GALNT16: variants seen among roughly 807,000 people sequenced by gnomAD.
GALNT16 encodes the protein UDP-GalNAc:polypeptide N-acetylgalactosaminyltransferase-like protein 1.
GALNT16 carries 40 observed loss-of-function variants against 76.1 expected under a neutral mutation model. That is an observed-to-expected ratio of 0.53 (90% CI 0.41 to 0.68). The LOEUF is 0.68. Among genes scored for constraint, GALNT16 ranks in the 30% least tolerant of loss-of-function variants. The pLI is 0.00. For missense variants in GALNT16, 621 were observed against 731.9 expected (o/e 0.85, Z 1.75); for synonymous variants, 276 against 285.2 (o/e 0.97, Z 0.32).
the GALNT16 span, among the ~76,000 whole-genome samples, chr14:69,365,931 A>G: frequency 2.0e-5 from 3 of 152,236 alleles, no homozygotes; most frequent in Admixed American, 1.3e-4. Flanking sequence ...TATAGTCTAG[A>G]GGGACAGAGA....
At chr14:69,319,798 C>G (rs1232260957) in intron 1 of GALNT16, among the ~76,000 whole-genome samples, 1 of 152,220 alleles carries the variant, frequency 6.6e-6, no homozygotes, top group African/African-American at 2.4e-5. Context: ...ATTTCAGGAG[C>G]AAGCAAAAGT....
In GALNT16 at chr14:69,320,862, A is replaced by G. The variant is rs774988267; in HGVS notation, c.329A>G (p.His110Arg). 3.7e-6 allele frequency: 6 copies of G among 1,613,992 alleles called. No homozygotes were observed. Among genetic ancestry groups the G allele is most frequent in the Admixed American group, 1.7e-5 (1 of 59,984 alleles). Residue 110 changes from histidine to arginine, a missense_variant, in exon 2 of 15, where the codon CAT becomes CGT. By Grantham distance (29) the His-to-Arg change is conservative. Coordinates refer to ENST00000448469, the MANE Select transcript of GALNT16 (RefSeq NM_001168368.2). Reference sequence around the variant, plus strand: ...GACCGGCCCATCCGGGACACCCGCCATTACAGGTACGGCCTCCATCGTGTC... The same window carrying G: ...GACCGGCCCATCCGGGACACCCGCCGTTACAGGTACGGCCTCCATCGTGTC... ...SPDRPIRDTR[H>R]YSCPSVSYSS...
intron 12 of GALNT16, among the ~76,000 whole-genome samples, chr14:69,343,999 C>G (rs1445273928): frequency 6.6e-6 from 1 of 152,216 alleles, no homozygotes; most frequent in African/African-American, 2.4e-5. Context: ...GGATTACTCA[C>G]CCCCAGTTCC....
intron 1 of GALNT16, among the ~76,000 whole-genome samples, chr14:69,272,503 C>A (rs1239381260): frequency 6.6e-6 from 1 of 152,200 alleles, no homozygotes; most frequent in African/African-American, 2.4e-5. Context: ...TATAATGGAA[C>A]TGAAATATTC....
At chr14:69,329,755 G>C (rs911196117) in intron 6 of GALNT16, among the ~76,000 whole-genome samples, 1 of 152,102 alleles carries the variant, frequency 6.6e-6, no homozygotes, top group Non-Finnish European at 1.5e-5. Context: ...CACATGGCGA[G>C]AGTGGGGGCA....
intron 9 of GALNT16, among the ~76,000 whole-genome samples, chr14:69,336,540 G>A (rs181416689): frequency 5.3e-5 from 8 of 152,158 alleles, no homozygotes; most frequent in Non-Finnish European, 7.4e-5. Flanking sequence ...TCAGGTCTTG[G>A]CTCAAATGTC....
chr14:69,333,583 G>C lies in GALNT16; in HGVS notation c.950G>C (p.Trp317Ser), dbSNP rs144140025. ...AAGTATGATGCCCAGATGGACATCT[G>C]GGGGGGAGAGAATTTTGGTGAGTTG... ...LGKYDAQMDI[W>S]GGENFELSFR... Residue 317 changes from tryptophan (W) to serine (S), a missense_variant, in exon 9 of 15, where the codon TGG becomes TCG. Coordinates refer to ENST00000448469, the MANE Select transcript of GALNT16 (RefSeq NM_001168368.2). This position sits in a 1 kb window ranked among gnomAD's most constrained non-coding sequence, Gnocchi z 4.2. The C allele has an allele frequency of 5.1e-6, 8 of 1,557,716 alleles. No individual in the cohort carries two copies. The highest frequency in any genetic ancestry group is 1.7e-5 in the Admixed American group (1 of 58,852).
At chr14:69,323,048 G>C (rs921497949) in intron 2 of GALNT16, among the ~76,000 whole-genome samples, 1 of 150,654 alleles carries the variant, frequency 6.6e-6, no homozygotes, top group African/African-American at 2.4e-5. Context: ...TTAGTGGGCA[G>C]GCCTCCTGCC....
intron 1 of GALNT16, among the ~76,000 whole-genome samples, chr14:69,308,868 C>T (rs2044976059): frequency 6.6e-6 from 1 of 152,188 alleles, no homozygotes; most frequent in Non-Finnish European, 1.5e-5. Context: ...ACCAATGTAT[C>T]ATTCACCAAT....
At chr14:69,368,087 CAGAAG>C in the GALNT16 span, among the ~76,000 whole-genome samples, 37 of 152,146 alleles carry the variant, frequency 2.4e-4, no homozygotes, top group African/African-American at 8.2e-4. Context: ...TTCCATAGCA[CAGAAG>C]AGGACAGACT....
In GALNT16 at chr14:69,322,981, TGC is replaced by T. The variant is rs1555400172; in HGVS notation, c.336-1704_336-1703del. 4.3e-3 allele frequency among the ~76,000 whole-genome samples: 122 copies of T among 28,346 alleles called. 8 individuals are homozygous for T. Among genetic ancestry groups the T allele is most frequent in the Middle Eastern group, 0.014 (1 of 70 alleles). The allele number at this position is 28,346 out of a possible 152,430, so 18.6% of individuals were successfully genotyped here. On this transcript the variant is annotated intron_variant, in intron 2 of 14. Transcript: ENST00000448469. ...GTGTGTGTGTGTGTGTGTGTGTGTG[TGC>T]GCGCGCACGCGCGCACGCATGCACA...
Position 69,296,685 on chromosome 14 carries a change from CCT to C in GALNT16, c.178-24025_178-24024del, listed in dbSNP as rs538092235. 9.9e-5 allele frequency among the ~76,000 whole-genome samples: 15 copies of C among 151,384 alleles called. No individual in the cohort carries two copies. In the East Asian group the frequency reaches 2.9e-3, roughly 29 times the overall value. ...TCCAGCCTGTATGACAGAGCCAGAC[CCT>C]GTCTCAACACAAAATAAAACTAGAT... On this transcript the variant is annotated intron_variant, in intron 1 of 14. Coordinates refer to ENST00000448469, the MANE Select transcript of GALNT16 (RefSeq NM_001168368.2).
At chr14:69,288,495 C>T (rs2044646193) in intron 1 of GALNT16, among the ~76,000 whole-genome samples, 1 of 152,224 alleles carries the variant, frequency 6.6e-6, no homozygotes, top group Admixed American at 6.5e-5. Context: ...GCTCTCCCAC[C>T]AGTAACCCTG....
chr14:69,337,663 G>T (rs1040199565), intron 9 of GALNT16, among the ~76,000 whole-genome samples: 1 of 152,206 alleles, frequency 6.6e-6, no homozygotes, highest in African/African-American at 2.4e-5. Flanking sequence ...CATTGATATA[G>T]CCATCCTTAC....
At chr14:69,269,521 G>T (rs973213259) in intron 1 of GALNT16, among the ~76,000 whole-genome samples, 6 of 150,400 alleles carry the variant, frequency 4.0e-5, no homozygotes, top group Non-Finnish European at 7.4e-5. Context: ...TGTGATGTGT[G>T]GGGCTTATGT....
At chr14:69,298,513 C>T (rs1391824743) in intron 1 of GALNT16, 1 of 152,500 alleles carries the variant, frequency 6.6e-6, no homozygotes, top group Non-Finnish European at 1.5e-5. Context: ...CCTCCCGTTC[C>T]CTGTCGCCAC....
intron 1 of GALNT16, among the ~76,000 whole-genome samples, chr14:69,300,059 T>G (rs1215221058): frequency 6.6e-6 from 1 of 152,200 alleles, no homozygotes; most frequent in Non-Finnish European, 1.5e-5. Flanking sequence ...TGTGCACATT[T>G]TAGGAAGGGA....
rs142120279 is a variant in GALNT16, at chr14:69,331,474, G to A, written c.701G>A (p.Arg234His). 2,229 of 1,598,646 alleles carry A rather than the reference G, an allele frequency of 1.4e-3. 4 individuals carry two copies. Among genetic ancestry groups the A allele is most frequent in the Non-Finnish European group, 1.8e-3 (2,051 of 1,165,976 alleles). ...ACATCTCTCTCCTAGGACCACACCCGCGTGGTGAGTCCCATCATTGATGTC... is the reference window on the plus strand; with the variant it reads ...ACATCTCTCTCCTAGGACCACACCCACGTGGTGAGTCCCATCATTGATGTC... ...MLQRVKEDHTRVVSPIIDVIS... is the reference protein window; with the variant it reads ...MLQRVKEDHTHVVSPIIDVIS... Residue 234 changes from arginine (R) to histidine (H), a missense_variant, in exon 7 of 15, where the codon CGC (arginine) becomes CAC (histidine). By Grantham distance (29) the Arg-to-His change is conservative (BLOSUM62 0). Transcript: ENST00000448469.
At chr14:69,360,212 G>T (rs1357872814), downstream of GALNT16, among the ~76,000 whole-genome samples, 1 of 151,926 alleles carries the variant, frequency 6.6e-6, no homozygotes, top group African/African-American at 2.4e-5. Flanking sequence ...AATTAGCCAG[G>T]TGTGGTGGTG....
Sources: allele counts gnomAD v4.1 joint callset (sites outside exome capture counted in the v4.1 genomes callset), GRCh38; gene constraint gnomAD v4.1.1; non-coding constraint Gnocchi (gnomAD v3.1); transcripts MANE v1.5; gene names NCBI Gene and HGNC (gene_info 2026-07-23, HGNC 2026-07-21).